Variants in EPB41 observed in about 807,000 individuals in gnomAD.
The protein encoded by EPB41 is protein 4.1.
Under a neutral mutation model 108.0 loss-of-function variants are expected in EPB41, and 65 were observed. The observed-to-expected ratio is 0.60, with a 90% CI of 0.49 to 0.74. The LOEUF is 0.74. Ranked by LOEUF, EPB41 falls within the 30% of genes least tolerant of loss-of-function variation. EPB41 has a pLI of 0.00. For missense variants in EPB41, 875 were observed against 1,037.0 expected (o/e 0.84, Z 2.15); for synonymous variants, 336 against 358.9 (o/e 0.94, Z 0.72).
At chr1:29,015,806 A>C in intron 6 of EPB41, 39 bp downstream of exon 6, 5 of 1,284,658 alleles carry the variant, frequency 3.9e-6, no homozygotes, top group Non-Finnish European at 5.6e-6. Context: ...TTATCATATA[A>C]TAATGTGTAT....
intron 16 of EPB41, among the ~76,000 whole-genome samples, chr1:29,068,028 A>G (rs1019751780): frequency 2.0e-5 from 3 of 152,186 alleles, no homozygotes; most frequent in African/African-American, 7.2e-5. Context: ...TAAAGGGTCT[A>G]GTATTTCTGG....
intron 12 of EPB41, among the ~76,000 whole-genome samples, chr1:29,055,424 G>C (rs1249281110): frequency 6.6e-6 from 1 of 152,042 alleles, no homozygotes; most frequent in Admixed American, 6.6e-5. Flanking sequence ...TTCAACAATA[G>C]GCTCCCTTTG....
At chr1:29,084,941 G>T (rs190826268) in intron 16 of EPB41, among the ~76,000 whole-genome samples, 1 of 152,146 alleles carries the variant, frequency 6.6e-6, no homozygotes, top group African/African-American at 2.4e-5. Context: ...CATAGGCTTG[G>T]CCCACTTCAG....
intron 9 of EPB41, among the ~76,000 whole-genome samples, chr1:29,033,803 G>A (rs369632447): frequency 1.3e-5 from 2 of 152,182 alleles, no homozygotes; most frequent in African/African-American, 4.8e-5. Flanking sequence ...GAGCCATTAT[G>A]GAATAGCATA....
At chr1:29,105,340 C>G (rs547915732) in intron 17 of EPB41, among the ~76,000 whole-genome samples, 2 of 152,128 alleles carry the variant, frequency 1.3e-5, no homozygotes, top group African/African-American at 4.8e-5. Context: ...CAGATTCTAG[C>G]GATTCTCCTG....
At chr1:28,944,947 C>T (rs2094441166) in intron 1 of EPB41, among the ~76,000 whole-genome samples, 3 of 151,444 alleles carry the variant, frequency 2.0e-5, no homozygotes, top group South Asian at 4.2e-4. Flanking sequence ...AAAAATTAGC[C>T]GAGCATGGTG....
At chr1:29,109,463 A>G (rs765072359) in intron 18 of EPB41, 26 bp downstream of exon 18, 2 of 1,598,698 alleles carry the variant, frequency 1.3e-6, no homozygotes, top group East Asian at 2.2e-5. Flanking sequence ...GAACCTCTTT[A>G]TGGAACCCAG....
intron 17 of EPB41, among the ~76,000 whole-genome samples, chr1:29,105,312 A>G (rs1304515658): frequency 6.6e-6 from 1 of 152,118 alleles, no homozygotes; most frequent in Admixed American, 6.6e-5. Context: ...ATCTCAGCTC[A>G]CTGCAACCTC....
chr1:28,915,696 A>G (rs2092584753), intron 1 of EPB41, among the ~76,000 whole-genome samples: 1 of 121,914 alleles, frequency 8.2e-6, no homozygotes, highest in Non-Finnish European at 1.7e-5. Context: ...TCATTAGGAG[A>G]TAGTTTTTTC....
intron 8 of EPB41, among the ~76,000 whole-genome samples, chr1:29,031,288 A>C (rs1330654400): frequency 1.3e-5 from 2 of 152,240 alleles, no homozygotes; most frequent in East Asian, 3.8e-4. Context: ...GAAAATATAG[A>C]GCAGTGGGCA....
intron 18 of EPB41, chr1:29,109,860 C>A (rs1668562535): frequency 3.8e-6 from 1 of 264,262 alleles, no homozygotes; most frequent in Non-Finnish European, 7.5e-6. Context: ...ATGGTAAAAC[C>A]CCGTCTCTAC....
rs550214943 is a variant in EPB41 at position 28,945,631 on chromosome 1, T to C, written c.-8+30863T>C. ...ATATATTAAGTATAAGTGTTTAATA[T>C]TCTGTTTTAAAATTTTCTTTAAATT... On this transcript the variant is annotated intron_variant, in intron 1 of 20. Coordinates refer to ENST00000343067, the MANE Select transcript of EPB41 (RefSeq NM_001376013.1). 2.4e-4 allele frequency among the ~76,000 whole-genome samples: 36 copies of C among 152,306 alleles called. No individual in the cohort carries two copies. In the Middle Eastern group the frequency reaches 0.01, roughly 43 times the overall value.
chr1:29,078,436 A>T (rs1009469563), intron 16 of EPB41, among the ~76,000 whole-genome samples: 1 of 152,170 alleles, frequency 6.6e-6, no homozygotes, highest in African/African-American at 2.4e-5. Flanking sequence ...ATTTCTATTA[A>T]GCAGTCAGGG....
chr1:29,044,581 C>G (rs1558132747), intron 11 of EPB41, among the ~76,000 whole-genome samples: 1 of 152,126 alleles, frequency 6.6e-6, no homozygotes, highest in Non-Finnish European at 1.5e-5. Context: ...GTGGCTCACA[C>G]CTGTAATCCC....
At chr1:28,926,939 ATGCCTGAGTGTGAG>A (rs1428548446) in intron 1 of EPB41, among the ~76,000 whole-genome samples, 1 of 152,200 alleles carries the variant, frequency 6.6e-6, no homozygotes, top group East Asian at 1.9e-4. Flanking sequence ...TAACATTTTT[ATGCCTGAGTGTGAG>A]TATTCTAAAG....
At position 29,115,683 on chromosome 1, in the gene EPB41, T is replaced by C. The variant is rs373995601; in HGVS notation, c.2497-16T>C. 5 of 1,611,128 alleles carry C rather than the reference T, an allele frequency of 3.1e-6. No homozygotes were observed. The highest frequency in any genetic ancestry group is 4.2e-6 in the Non-Finnish European group (5 of 1,177,604). ...GCTATTTTCTGCCTCATTGCCCTTG[T>C]TTCTGTCTTTTGTAGGTCCTTGTAC... On this transcript the variant is annotated splice_polypyrimidine_tract_variant and intron_variant, in intron 19 of 20. Transcript: ENST00000343067. The surrounding 1 kb of genome is among the most constrained non-coding windows in gnomAD (Gnocchi z 4.4).
chr1:29,079,142 C>T (rs2151218537), intron 16 of EPB41, among the ~76,000 whole-genome samples: 1 of 152,002 alleles, frequency 6.6e-6, no homozygotes, highest in Admixed American at 6.6e-5. Context: ...ATTACAGGCG[C>T]CTGCCACCAC....
intron 16 of EPB41, among the ~76,000 whole-genome samples, chr1:29,066,632 A>G (rs1171987125): frequency 6.6e-6 from 1 of 152,138 alleles, no homozygotes; most frequent in Non-Finnish European, 1.5e-5. Context: ...TAGCAATTCT[A>G]GTTTAAAAAA....
chr1:29,078,511 C>A (rs1006552073), intron 16 of EPB41, among the ~76,000 whole-genome samples: 3 of 152,070 alleles, frequency 2.0e-5, no homozygotes, highest in African/African-American at 4.8e-5. Flanking sequence ...GTAATCCCAG[C>A]GCTTTGGGAG....
Sources: gnomAD v4.1 joint callset for allele counts (sites outside exome capture counted in the v4.1 genomes callset) on GRCh38, gnomAD v4.1.1 for gene constraint, Gnocchi (gnomAD v3.1) non-coding constraint, MANE v1.5 for transcripts, NCBI Gene and HGNC (gene_info 2026-07-23, HGNC 2026-07-21) for gene names.